FAM131B: variants seen among roughly 807,000 people sequenced by gnomAD.
FAM131B encodes family with sequence similarity 131 member B, also known as protein FAM131B.
In FAM131B, 19 loss-of-function variants were observed where a neutral mutation model predicts 42.0. That is an observed-to-expected ratio of 0.45 (90% CI 0.32 to 0.66). FAM131B has a LOEUF of 0.66. FAM131B is among the 30% of genes least tolerant of loss of function. The pLI, the probability that FAM131B is intolerant of heterozygous loss-of-function variation, is 0.05. For missense variants in FAM131B, 370 were observed against 468.4 expected, an observed-to-expected ratio of 0.79 and a Z score of 1.94; for synonymous variants, 183 against 177.6, an observed-to-expected ratio of 1.03 and a Z score of -0.24.
At chr7:143,361,425 G>C (rs1044223925) in intron 1 of FAM131B, 1 of 152,198 alleles carries the variant, frequency 6.6e-6, no homozygotes, top group South Asian at 2.1e-4. Flanking sequence ...CAGAGCTGTG[G>C]GGGGCAGCGG....
chr7:143,361,986 T>G, intron 1 of FAM131B: 6 of 887,124 alleles, frequency 6.8e-6, no homozygotes, highest in Non-Finnish European at 8.1e-6. Context: ...CCCGGGCTCA[T>G]CCCGCCCCCG....
At chr7:143,357,711 C>G (rs772521083) in intron 5 of FAM131B, among the ~76,000 whole-genome samples, 15 of 151,916 alleles carry the variant, frequency 9.9e-5, no homozygotes, top group Non-Finnish European at 2.2e-4. Flanking sequence ...TTATATGAAG[C>G]CTTTGAGATC....
chr7:143,377,454 G>T, the FAM131B span, among the ~76,000 whole-genome samples: 19 of 152,160 alleles, frequency 1.2e-4, no homozygotes, highest in African/African-American at 4.6e-4. Context: ...TTGGGGTGAA[G>T]GCAGACTTGA....
chr7:143,373,500 A>G, the FAM131B span, among the ~76,000 whole-genome samples: 1 of 152,200 alleles, frequency 6.6e-6, no homozygotes, highest in South Asian at 2.1e-4. Flanking sequence ...AATTGTCTGG[A>G]TATAGCAATG....
At position 143,359,881 on chromosome 7, in the gene FAM131B, G is replaced by T; in HGVS notation, c.139-114C>A. The T allele has an allele frequency of 9.1e-7, 1 of 1,100,876 alleles. No individual in the cohort carries two copies. The highest frequency in any genetic ancestry group is 1.4e-6 in the Non-Finnish European group (1 of 740,388). 68.2% of individuals were successfully genotyped at this position (1,100,876 alleles called of 1,614,324 possible). ...CGGGATGTGGGGAGGGCTTTCCTGA[G>T]GTTGATGCCGCTAACTGGGTTCTCC... On this transcript the variant is annotated intron_variant, in intron 2 of 6. Coordinates refer to ENST00000443739, the MANE Select transcript of FAM131B (RefSeq NM_001031690.3). The surrounding 1 kb of genome is among the most constrained non-coding windows in gnomAD (Gnocchi z 5.4).
At chr7:143,382,287 A>T in the FAM131B span, 1 of 1,612,782 alleles carries the variant, frequency 6.2e-7, no homozygotes, top group South Asian at 1.1e-5. Flanking sequence ...GGGGATGGCG[A>T]CGATGCAGAG....
the FAM131B span, among the ~76,000 whole-genome samples, chr7:143,376,529 A>AC: frequency 1.3e-5 from 2 of 152,000 alleles, no homozygotes; most frequent in African/African-American, 4.8e-5. Flanking sequence ...TGTCAGTCCC[A>AC]CCCCTCTCTT....
the FAM131B span, among the ~76,000 whole-genome samples, chr7:143,377,011 C>G: frequency 3.9e-5 from 6 of 152,162 alleles, no homozygotes; most frequent in African/African-American, 1.4e-4. Flanking sequence ...CATTCCTCGC[C>G]CAGGATGGAG....
chr7:143,369,292 A>G, the FAM131B span, among the ~76,000 whole-genome samples: 8 of 152,220 alleles, frequency 5.3e-5, no homozygotes, highest in African/African-American at 1.9e-4. Context: ...GACTTTTATT[A>G]TAACATTAAG....
chr7:143,380,428 C>T, the FAM131B span: 1 of 985,248 alleles, frequency 1.0e-6, no homozygotes, highest in Non-Finnish European at 1.2e-6. The surrounding 1 kb of genome is among the most constrained non-coding windows in gnomAD (Gnocchi z 5.0). Flanking sequence ...AAGAGCCCCA[C>T]CGTCGCCCGG....
chr7:143,382,078 C>A, the FAM131B span: 1 of 632,846 alleles, frequency 1.6e-6, no homozygotes, highest in Non-Finnish European at 2.7e-6. Context: ...GTGCGCCCGG[C>A]CTTTCCTGAC....
At chr7:143,360,435 G>C (rs539449087) in intron 1 of FAM131B, 7 of 1,265,216 alleles carry the variant, frequency 5.5e-6, no homozygotes, top group Non-Finnish European at 7.0e-6. Flanking sequence ...CAATTATTCC[G>C]TCCTGAGGAC....
In FAM131B at chr7:143,362,283, G is replaced by A. The variant is rs975910597; in HGVS notation, c.28+293C>T. Among the ~76,000 whole-genome samples, 1 of 152,152 alleles carries A rather than the reference G, an allele frequency of 6.6e-6. No individual in the cohort carries two copies. The highest frequency in any genetic ancestry group is 2.4e-5 in the African/African-American group (1 of 41,442). ...GGATGAGGGGACCGAGCGTCGGGCCGAGAGGCAGAGGAGAGGAGGGCGATG... is the reference window on the plus strand; with the variant it reads ...GGATGAGGGGACCGAGCGTCGGGCCAAGAGGCAGAGGAGAGGAGGGCGATG... On this transcript the variant is annotated intron_variant, in intron 1 of 6. Transcript: ENST00000443739. This position sits in a 1 kb window ranked among gnomAD's most constrained non-coding sequence, Gnocchi z 7.7.
chr7:143,357,382 C>A lies in FAM131B; in HGVS notation c.508G>T (p.Ala170Ser). Residue 170 changes from alanine (A) to serine (S), a missense_variant, in exon 6 of 7, where the codon GCC becomes TCC. Physicochemically the swap from Ala to Ser is moderately conservative, Grantham distance 99 (BLOSUM62 1). Transcript: ENST00000443739. ...QFAISEATLM[A>S]WSSMDGEDMS... ...TCCTCACCATCCATGGAAGACCAGG[C>A]CATGAGTGTGGCCTCAGAGATAGCA... The A allele has an allele frequency of 6.2e-7, 1 of 1,613,654 alleles. No individual in the cohort carries two copies. Among genetic ancestry groups the A allele is most frequent in the Non-Finnish European group, 8.5e-7 (1 of 1,179,774 alleles).
At chr7:143,365,359 G>C (rs949022259), upstream of FAM131B, among the ~76,000 whole-genome samples, 1 of 152,190 alleles carries the variant, frequency 6.6e-6, no homozygotes, top group African/African-American at 2.4e-5. Flanking sequence ...AAGGAGGCAA[G>C]ATCATTTATT....
chr7:143,374,870 C>A, the FAM131B span, among the ~76,000 whole-genome samples: 1 of 152,222 alleles, frequency 6.6e-6, no homozygotes, highest in Admixed American at 6.5e-5. Context: ...GCTCCCCAAC[C>A]AGGTCACATC....
chr7:143,359,208 G>A lies in FAM131B; in HGVS notation c.268+118C>T, dbSNP rs936304507. The stretch of plus-strand genomic sequence containing the variant: ...AGGATGGGAGGCTTGACAGAAGGGT[G>A]AATAGGTCAGGGGGTGGGGATGAGG... On this transcript the variant is annotated intron_variant, in intron 4 of 6. Transcript: ENST00000443739. This position sits in a 1 kb window ranked among gnomAD's most constrained non-coding sequence, Gnocchi z 5.4. 8 of 1,010,522 alleles carry A rather than the reference G, an allele frequency of 7.9e-6. No individual in the cohort carries two copies. Among genetic ancestry groups the A allele is most frequent in the Non-Finnish European group, 1.2e-5 (8 of 663,074 alleles). The allele number at this position is 1,010,522 out of a possible 1,614,324, so 62.6% of individuals were successfully genotyped here.
chr7:143,372,928 C>A, the FAM131B span, among the ~76,000 whole-genome samples: 7 of 151,030 alleles, frequency 4.6e-5, no homozygotes, highest in Non-Finnish European at 1.0e-4. Flanking sequence ...CCACTGCACT[C>A]CAGCCTGGGC....
the FAM131B span, chr7:143,380,740 G>A: frequency 3.0e-6 from 3 of 985,268 alleles, no homozygotes; most frequent in Non-Finnish European, 3.6e-6. The surrounding 1 kb of genome is among the most constrained non-coding windows in gnomAD (Gnocchi z 5.0). Flanking sequence ...AGAGTCAGCT[G>A]GGGGGTGCTG....
Sources: allele counts gnomAD v4.1 joint callset (sites outside exome capture counted in the v4.1 genomes callset), GRCh38; gene constraint gnomAD v4.1.1; non-coding constraint Gnocchi (gnomAD v3.1); transcripts MANE v1.5; gene names NCBI Gene and HGNC (gene_info 2026-07-23, HGNC 2026-07-21).